C10orf90: variants seen among roughly 807,000 people sequenced by gnomAD.
C10orf90 encodes (E2-independent) E3 ubiquitin-conjugating enzyme FATS.
A neutral mutation model predicts 62.5 loss-of-function variants in C10orf90; 56 were observed. That is an observed-to-expected ratio of 0.90 (90% confidence interval 0.72 to 1.12). The LOEUF is 1.12. Among genes scored for constraint, C10orf90 ranks in the 50% most tolerant of loss-of-function variants. The pLI is 0.00. For missense variants in C10orf90, 970 were observed against 880.4 expected, an observed-to-expected ratio of 1.10 and a Z score of -1.29; for synonymous variants, 386 against 340.4, an observed-to-expected ratio of 1.13 and a Z score of -1.47.
intron 2 of C10orf90, among the ~76,000 whole-genome samples, chr10:126,528,193 A>AT (rs2133951627): frequency 6.6e-6 from 1 of 152,296 alleles, no homozygotes; most frequent in East Asian, 1.9e-4. Context: ...CTGAGAAGCC[A>AT]TAGGCCGCGG....
At chr10:126,482,045 C>T (rs1337319139) in intron 4 of C10orf90, among the ~76,000 whole-genome samples, 2 of 151,818 alleles carry the variant, frequency 1.3e-5, no homozygotes. Flanking sequence ...ACCATTGGCT[C>T]ATACTTTTTT....
intron 2 of C10orf90, among the ~76,000 whole-genome samples, chr10:126,644,677 T>G (rs1272490858): frequency 6.6e-6 from 1 of 152,214 alleles, no homozygotes; most frequent in East Asian, 1.9e-4. Context: ...GCCATTAAAG[T>G]GCTCAGCCCC....
chr10:126,612,071 A>G (rs1160882403), intron 2 of C10orf90, among the ~76,000 whole-genome samples: 2 of 152,248 alleles, frequency 1.3e-5, no homozygotes, highest in Non-Finnish European at 2.9e-5. Flanking sequence ...CTATAATCCC[A>G]GCACTTTGGG....
intron 2 of C10orf90, among the ~76,000 whole-genome samples, chr10:126,595,762 A>G (rs1845071746): frequency 6.6e-6 from 1 of 152,164 alleles, no homozygotes; most frequent in Admixed American, 6.5e-5. Context: ...AAAGGCGAAT[A>G]TAGCAGTGGA....
At chr10:126,581,467 A>T (rs1844751023) in intron 2 of C10orf90, among the ~76,000 whole-genome samples, 1 of 151,862 alleles carries the variant, frequency 6.6e-6, no homozygotes, top group Non-Finnish European at 1.5e-5. Flanking sequence ...GGGATGCTGC[A>T]CTCTGCATCC....
chr10:126,517,360 GAA>G (rs1863489281), intron 2 of C10orf90, among the ~76,000 whole-genome samples: 1 of 152,222 alleles, frequency 6.6e-6, no homozygotes, highest in African/African-American at 2.4e-5. Context: ...CCTGGTTAAA[GAA>G]ACGGGCAGAG....
rs907238446 is a variant in C10orf90 at position 126,459,126 on chromosome 10, T to C, written c.2102A>G (p.Gln701Arg). ...LEHMVQQRKA[Q>R]RKEDLRQKQS... ...CTTCTGCCTCAGGTCCTCCTTCCGCTGGGCTTTCCTCTGCTGGACCATGTG... is the reference window on the plus strand; with the variant it reads ...CTTCTGCCTCAGGTCCTCCTTCCGCCGGGCTTTCCTCTGCTGGACCATGTG... The change falls in exon 7 of 10, where the codon CAG becomes CGG. Residue 701 changes from glutamine (Q) to arginine (R), a missense_variant. Gln to Arg is a conservative substitution (Grantham distance 43). Coordinates refer to ENST00000488181, the MANE Select transcript of C10orf90 (RefSeq NM_001350921.2). 1 of 1,614,222 alleles carries C rather than the reference T, an allele frequency of 6.2e-7. No homozygotes were observed. The highest frequency in any genetic ancestry group is 8.5e-7 in the Non-Finnish European group (1 of 1,180,048).
chr10:126,560,490 C>A (rs1386026046), intron 2 of C10orf90, among the ~76,000 whole-genome samples: 1 of 152,144 alleles, frequency 6.6e-6, no homozygotes, highest in East Asian at 1.9e-4. Flanking sequence ...GTCACTGTGT[C>A]CAGTCCTGAC....
chr10:126,623,978 C>T (rs1845696214), intron 2 of C10orf90, among the ~76,000 whole-genome samples: 1 of 152,048 alleles, frequency 6.6e-6, no homozygotes. Flanking sequence ...ATGACTCCAC[C>T]ATCGCATTTT....
intron 2 of C10orf90, among the ~76,000 whole-genome samples, chr10:126,615,921 C>G (rs1198699819): frequency 2.0e-5 from 3 of 152,210 alleles, no homozygotes; most frequent in Non-Finnish European, 4.4e-5. Context: ...TTACTGGAGC[C>G]TTCCCATCAG....
intron 7 of C10orf90, among the ~76,000 whole-genome samples, chr10:126,435,182 A>G (rs919761603): frequency 1.3e-5 from 2 of 152,214 alleles, no homozygotes; most frequent in Non-Finnish European, 2.9e-5. Flanking sequence ...CCATGTGCCA[A>G]TTACTGTCCA....
intron 2 of C10orf90, among the ~76,000 whole-genome samples, chr10:126,629,410 A>T (rs1479224936): frequency 6.6e-6 from 1 of 152,188 alleles, no homozygotes; most frequent in Non-Finnish European, 1.5e-5. Context: ...GCCAGAGACC[A>T]TCTCTTCGGC....
chr10:126,659,513 T>C (rs575927852), intron 1 of C10orf90, among the ~76,000 whole-genome samples: 67 of 152,328 alleles, frequency 4.4e-4, no homozygotes, highest in Admixed American at 1.0e-3. Flanking sequence ...TTCGGCCCTA[T>C]TGGTTTCTCT....
intron 4 of C10orf90, among the ~76,000 whole-genome samples, chr10:126,487,502 C>T (rs965957269): frequency 6.6e-6 from 1 of 152,074 alleles, no homozygotes; most frequent in Non-Finnish European, 1.5e-5. Flanking sequence ...TTCAAAGGAC[C>T]TAACAGAAAA....
At chr10:126,649,719 T>C (rs1846254196) in intron 1 of C10orf90, among the ~76,000 whole-genome samples, 1 of 152,204 alleles carries the variant, frequency 6.6e-6, no homozygotes, top group African/African-American at 2.4e-5. Context: ...GTCTGCATCT[T>C]CCCTCAACCA....
chr10:126,622,212 T>A (rs980415300), intron 2 of C10orf90, among the ~76,000 whole-genome samples: 1 of 152,282 alleles, frequency 6.6e-6, no homozygotes, highest in Admixed American at 6.5e-5. Context: ...AATCAAAGGT[T>A]TATTGTGGAG....
At position 126,442,635 on chromosome 10, in the gene C10orf90, A is replaced by ATG. The variant is rs1337298137; in HGVS notation, c.2189-12786_2189-12785insCA. ...TTCCCTACTATTATTGTGTGTGTGT[A>ATG]TATATATATATATATATATATATAT... On this transcript the variant is annotated intron_variant, in intron 7 of 9. Transcript: ENST00000488181. 6.9e-4 allele frequency among the ~76,000 whole-genome samples: 6 copies of ATG among 8,690 alleles called. No homozygotes were observed. The East Asian group carries it at 0.013, about 18-fold the overall frequency. The allele number at this position is 8,690 out of a possible 152,430, so 5.7% of individuals were successfully genotyped here. A position where few individuals can be genotyped will look rare whatever the true frequency, so the allele number is the denominator to read the frequency against.
intron 2 of C10orf90, among the ~76,000 whole-genome samples, chr10:126,575,473 T>G (rs1326333912): frequency 6.6e-6 from 1 of 151,920 alleles, no homozygotes; most frequent in Non-Finnish European, 1.5e-5. Flanking sequence ...ATCAGAAGAA[T>G]TAATATTATT....
intron 2 of C10orf90, chr10:126,524,853 C>T: frequency 1.0e-6 from 1 of 985,028 alleles, no homozygotes; most frequent in Non-Finnish European, 1.2e-6. Flanking sequence ...GCTTGCTTCT[C>T]CCATTAAGTG....
Sources: allele counts gnomAD v4.1 joint callset (sites outside exome capture counted in the v4.1 genomes callset), GRCh38; gene constraint gnomAD v4.1.1; transcripts MANE v1.5; gene names NCBI Gene and HGNC (gene_info 2026-07-23, HGNC 2026-07-21).